The following CFAP47 variants were observed in gnomAD, a reference collection of about 807,000 sequenced individuals.
CFAP47 encodes cilia- and flagella-associated protein 47.
CFAP47 carries 29 observed loss-of-function variants against 148.1 expected under a neutral mutation model. The observed-to-expected ratio is 0.20, with a 90% CI of 0.15 to 0.27. The LOEUF is 0.27. Ranked by LOEUF, CFAP47 falls within the 10% of genes least tolerant of loss-of-function variation. CFAP47 has a pLI of 1.00. For missense variants in CFAP47, 1,872 were observed against 1,697.5 expected (o/e 1.10, Z -1.81); for synonymous variants, 664 against 577.3 (o/e 1.15, Z -2.15).
chrX:36,289,485 A>G (rs190667576), intron 51 of CFAP47, among the ~76,000 whole-genome samples: 16 of 111,339 alleles, frequency 1.4e-4, no homozygotes, highest in Non-Finnish European at 3.8e-5. Flanking sequence ...CGGAAAAAAT[A>G]TCTCATGGTC....
At chrX:36,144,654 T>C in intron 35 of CFAP47, 1 of 1,027,954 alleles carries the variant, frequency 9.7e-7, no homozygotes, top group Non-Finnish European at 1.3e-6. Flanking sequence ...TACCATCCGA[T>C]TGGCTGTGGC....
At chrX:36,108,610 C>T (rs1377194512) in intron 33 of CFAP47, among the ~76,000 whole-genome samples, 1 of 111,635 alleles carries the variant, frequency 9.0e-6, no homozygotes, top group Non-Finnish European at 1.9e-5. Context: ...CCATCTGTTG[C>T]TCACACAGCC....
Position 35,971,707 on chromosome X carries a change from A to G in CFAP47, c.2092A>G (p.Arg698Gly), listed in dbSNP as rs771239527. 8.3e-7 allele frequency: 1 copy of G among 1,211,316 alleles called. No individual in the cohort carries two copies. Among genetic ancestry groups the G allele is most frequent in the South Asian group, 1.8e-5 (1 of 56,905 alleles). ...GCTGTCTTCAGCAGCAAATTCAATTAGAGCGAATCGATTGTTAACCACCAG... is the reference window on the plus strand; with the variant it reads ...GCTGTCTTCAGCAGCAAATTCAATTGGAGCGAATCGATTGTTAACCACCAG... The part of the protein sequence containing the change: ...EELSSAANSI[R>G]ANRLLTTRGI... The change falls in exon 12 of 64, where the codon AGA becomes GGA. Residue 698 changes from arginine to glycine, a missense_variant. Physicochemically the swap from Arg to Gly is moderately radical, Grantham distance 125. Transcript: ENST00000378653.
chrX:36,119,427 A>G (rs769697968), intron 33 of CFAP47, among the ~76,000 whole-genome samples: 2 of 111,632 alleles, frequency 1.8e-5, no homozygotes, highest in Non-Finnish European at 3.8e-5. Context: ...GTCATGATTA[A>G]TGCTGTTTTT....
chrX:36,283,114 C>T (rs1345164916), intron 50 of CFAP47, among the ~76,000 whole-genome samples: 3 of 110,639 alleles, frequency 2.7e-5, no homozygotes, highest in Non-Finnish European at 5.7e-5. Flanking sequence ...TATTTTGAGC[C>T]TGGAATTTTG....
At chrX:36,362,618 T>C (rs1299763186) in intron 61 of CFAP47, among the ~76,000 whole-genome samples, 1 of 112,438 alleles carries the variant, frequency 8.9e-6, no homozygotes, top group Non-Finnish European at 1.9e-5. Context: ...TCTTTGCTAT[T>C]GTGAATAATG....
chrX:36,033,092 G>A (rs1213910896), intron 23 of CFAP47, among the ~76,000 whole-genome samples: 1 of 112,025 alleles, frequency 8.9e-6, no homozygotes, highest in Admixed American at 9.5e-5. Context: ...TGATATTTGC[G>A]TTGGACTTCT....
chrX:36,147,024 C>A (rs1490082736), intron 36 of CFAP47, among the ~76,000 whole-genome samples: 1 of 110,668 alleles, frequency 9.0e-6, no homozygotes, highest in African/African-American at 3.3e-5. Context: ...CTCAGGTGAT[C>A]CACCCGCCTC....
Position 35,971,590 on chromosome X carries a change from C to A in CFAP47, c.1975C>A (p.Arg659Ser), listed in dbSNP as rs759375823. 5.4e-6 allele frequency: 6 copies of A among 1,102,797 alleles called. No individual in the cohort carries two copies. The highest frequency in any genetic ancestry group is 7.2e-6 in the Non-Finnish European group (6 of 827,826). The allele number at this position is 1,102,797 out of a possible 1,213,427, so 90.9% of individuals were successfully genotyped here. The change falls in exon 12 of 64, where the codon CGC becomes AGC. Residue 659 changes from arginine to serine, a missense_variant. Coordinates refer to ENST00000378653, the MANE Select transcript of CFAP47 (RefSeq NM_001304548.2). ...TTATTATTATTAATTTTATAGGGAG[C>A]GCATGTATTCATATGATGATACAGA... ...RLQKKQAERE[R>S]MYSYDDTDIG...
chrX:36,080,344 G>T (rs1937951600), intron 29 of CFAP47, among the ~76,000 whole-genome samples: 1 of 111,519 alleles, frequency 9.0e-6, no homozygotes, highest in Admixed American at 9.5e-5. Flanking sequence ...CTGTAAACTA[G>T]TTCAACCATT....
intron 50 of CFAP47, among the ~76,000 whole-genome samples, 197 bp downstream of exon 50, chrX:36,280,827 T>C (rs1941071194): frequency 8.9e-6 from 1 of 112,161 alleles, no homozygotes; most frequent in African/African-American, 3.2e-5. Context: ...ATGTCAATAG[T>C]ATCAAAATAC....
At chrX:36,069,422 T>C (rs1937704649) in intron 27 of CFAP47, among the ~76,000 whole-genome samples, 1 of 109,974 alleles carries the variant, frequency 9.1e-6, no homozygotes, top group Admixed American at 9.6e-5. Context: ...GTTATCTCTT[T>C]AAAATAAATA....
Position 36,384,950 on chromosome X carries a change from A to G in CFAP47, c.9508A>G (p.Ile3170Val). Residue 3170 changes from isoleucine (I) to valine (V), a missense_variant, in exon 64 of 64, where the codon ATA becomes GTA. Transcript: ENST00000378653. ...HNFVRENTKL[I>V]RTGVSSTIKG... is the part of the protein sequence containing the mutation. Reference sequence around the variant, plus strand: ...TTTTGTCCGTGAAAATACTAAACTCATAAGAACAGGGGTGTCTTCCACCAT... The same window carrying G: ...TTTTGTCCGTGAAAATACTAAACTCGTAAGAACAGGGGTGTCTTCCACCAT... The G allele has an allele frequency of 2.8e-5, 33 of 1,166,965 alleles. No homozygotes were observed. Among genetic ancestry groups the G allele is most frequent in the Non-Finnish European group, 3.4e-5 (30 of 872,020 alleles).
chrX:35,979,594 A>G (rs1278928500), intron 15 of CFAP47, among the ~76,000 whole-genome samples: 1 of 111,087 alleles, frequency 9.0e-6, no homozygotes, highest in Admixed American at 9.7e-5. Flanking sequence ...TCTCGAAACA[A>G]AAGTCAGAAT....
chrX:36,052,895 A>T (rs1937527104), intron 26 of CFAP47, among the ~76,000 whole-genome samples: 1 of 111,940 alleles, frequency 8.9e-6, no homozygotes, highest in Non-Finnish European at 1.9e-5. Flanking sequence ...GTGCTTTAAA[A>T]TGTATATTTA....
At chrX:36,261,435 A>G (rs1387344749) in intron 49 of CFAP47, among the ~76,000 whole-genome samples, 14 of 101,623 alleles carry the variant, frequency 1.4e-4, no homozygotes, top group African/African-American at 5.3e-4. Context: ...AAACAAGTGA[A>G]CAAAGGTCTC....
intron 49 of CFAP47, among the ~76,000 whole-genome samples, chrX:36,261,339 T>TTTTTTC: frequency 1.0e-5 from 1 of 96,237 alleles, no homozygotes; most frequent in Non-Finnish European, 2.1e-5. Context: ...TTTTTTTTTT[T>TTTTTTC]TTTTTCATTG....
chrX:36,289,250 C>T (rs1344104850), intron 51 of CFAP47, among the ~76,000 whole-genome samples: 4 of 110,068 alleles, frequency 3.6e-5, no homozygotes, highest in African/African-American at 3.3e-5. Context: ...TCTGCCCCCC[C>T]GCCTCAGCCT....
chrX:36,074,444 T>A (rs1199300750), intron 29 of CFAP47, among the ~76,000 whole-genome samples: 1 of 111,661 alleles, frequency 9.0e-6, no homozygotes, highest in Non-Finnish European at 1.9e-5. Context: ...GACAAAGAAA[T>A]TATTTGAGGG....
Sources: gnomAD v4.1 joint callset for allele counts (sites outside exome capture counted in the v4.1 genomes callset) on GRCh38, gnomAD v4.1.1 for gene constraint, MANE v1.5 for transcripts, NCBI Gene and HGNC (gene_info 2026-07-23, HGNC 2026-07-21) for gene names.